Variants in NAALADL2 observed in about 807,000 individuals in gnomAD.
NAALADL2 encodes inactive N-acetylated-alpha-linked acidic dipeptidase-like protein 2.
A neutral mutation model predicts 87.2 loss-of-function variants in NAALADL2; 76 were observed. The ratio of observed to expected loss-of-function variants is 0.87; its 90% CI spans 0.72 to 1.05. The LOEUF is 1.05. NAALADL2 is among the 50% of genes least tolerant of loss of function. The probability of loss-of-function intolerance (pLI) is 0.00; values close to 1 mark genes in which losing one functional copy is unlikely to be tolerated. For missense variants in NAALADL2, 1,089 were observed against 945.8 expected, an observed-to-expected ratio of 1.15 and a Z score of -1.99; for synonymous variants, 354 against 331.0, an observed-to-expected ratio of 1.07 and a Z score of -0.75.
intron 13 of NAALADL2, among the ~76,000 whole-genome samples, chr3:175,782,856 T>G (rs1751346321): frequency 6.7e-6 from 1 of 148,328 alleles, no homozygotes; most frequent in South Asian, 2.1e-4. Flanking sequence ...GTTTAAGTCT[T>G]TAATCCATCT....
chr3:174,779,465 G>A (rs1017529782), intron 3 of NAALADL2, among the ~76,000 whole-genome samples: 1 of 152,132 alleles, frequency 6.6e-6, no homozygotes, highest in Admixed American at 6.5e-5. Flanking sequence ...CTGTGCAGAA[G>A]CTCTTCAGTT....
intron 3 of NAALADL2, among the ~76,000 whole-genome samples, chr3:174,762,706 A>G (rs1380688126): frequency 6.6e-6 from 1 of 152,070 alleles, no homozygotes; most frequent in East Asian, 1.9e-4. Context: ...TCCTGAGGCA[A>G]TTCTGCAGCA....
chr3:174,705,890 G>A (rs1329849676), intron 2 of NAALADL2, among the ~76,000 whole-genome samples: 2 of 151,984 alleles, frequency 1.3e-5, no homozygotes, highest in South Asian at 2.1e-4. Flanking sequence ...CCAGGGTGAT[G>A]CATATAGGTA....
chr3:174,955,178 C>T (rs2108527930), intron 1 of NAALADL2, among the ~76,000 whole-genome samples: 1 of 152,168 alleles, frequency 6.6e-6, no homozygotes, highest in South Asian at 2.1e-4. Context: ...TCGTCTTCTA[C>T]TTATACATAA....
At chr3:175,208,532 T>C (rs760643597) in intron 2 of NAALADL2, among the ~76,000 whole-genome samples, 5 of 152,128 alleles carry the variant, frequency 3.3e-5, no homozygotes, top group Non-Finnish European at 7.3e-5. Context: ...AGCTGGTCAG[T>C]CAGCATGTGC....
At chr3:175,653,271 C>G (rs914018424) in intron 11 of NAALADL2, among the ~76,000 whole-genome samples, 4 of 152,030 alleles carry the variant, frequency 2.6e-5, no homozygotes, top group African/African-American at 7.2e-5. Flanking sequence ...ACAGTAATTT[C>G]TGACTTTTTT....
intron 9 of NAALADL2, among the ~76,000 whole-genome samples, chr3:175,477,935 A>T (rs1725936070): frequency 6.6e-6 from 1 of 151,990 alleles, no homozygotes; most frequent in African/African-American, 2.4e-5. Flanking sequence ...GTAGCAGATC[A>T]CAGAAGGTAC....
At chr3:175,587,038 A>T (rs891815635) in intron 10 of NAALADL2, among the ~76,000 whole-genome samples, 1 of 152,172 alleles carries the variant, frequency 6.6e-6, no homozygotes, top group Non-Finnish European at 1.5e-5. Flanking sequence ...ATCTTTGGTG[A>T]AAGGATGGTC....
At chr3:174,864,682 T>A (rs1202637445) in intron 1 of NAALADL2, among the ~76,000 whole-genome samples, 2 of 152,118 alleles carry the variant, frequency 1.3e-5, no homozygotes, top group Non-Finnish European at 2.9e-5. Flanking sequence ...AAAGATGCAG[T>A]AATAATCTTA....
intron 12 of NAALADL2, among the ~76,000 whole-genome samples, chr3:175,750,664 A>T (rs1276325009): frequency 6.6e-6 from 1 of 152,162 alleles, no homozygotes; most frequent in Admixed American, 6.6e-5. Context: ...CTCATTTAAG[A>T]TGTCCTGGAT....
chr3:174,578,035 A>C (rs1715734310), intron 2 of NAALADL2, among the ~76,000 whole-genome samples: 1 of 152,048 alleles, frequency 6.6e-6, no homozygotes, highest in Non-Finnish European at 1.5e-5. Context: ...TGACAGAAGA[A>C]ATGTTTAATG....
At chr3:174,611,246 T>C (rs1002690411) in intron 2 of NAALADL2, among the ~76,000 whole-genome samples, 21 of 151,986 alleles carry the variant, frequency 1.4e-4, no homozygotes, top group East Asian at 1.9e-4. Context: ...AGCACACCAG[T>C]ATGGCACATG....
chr3:174,615,579 G>T (rs1445953497), intron 2 of NAALADL2, among the ~76,000 whole-genome samples: 1 of 152,060 alleles, frequency 6.6e-6, no homozygotes, highest in African/African-American at 2.4e-5. Flanking sequence ...AAAGTTGCAG[G>T]AGAATCTGGT....
At chr3:174,921,553 G>C (rs927558747) in intron 1 of NAALADL2, among the ~76,000 whole-genome samples, 2 of 152,004 alleles carry the variant, frequency 1.3e-5, no homozygotes, top group Non-Finnish European at 2.9e-5. Context: ...TGTAATCCCA[G>C]CACTTTGGCA....
At chr3:175,034,895 T>A (rs568781356) in intron 1 of NAALADL2, among the ~76,000 whole-genome samples, 1 of 152,326 alleles carries the variant, frequency 6.6e-6, no homozygotes, top group Admixed American at 6.5e-5. Flanking sequence ...TATTACTATC[T>A]TTTATATATT....
At chr3:175,692,221 T>C (rs1236638944) in intron 11 of NAALADL2, among the ~76,000 whole-genome samples, 1 of 152,128 alleles carries the variant, frequency 6.6e-6, no homozygotes, top group Non-Finnish European at 1.5e-5. Context: ...TTTTTGCCAA[T>C]TTTCTTAAAA....
At chr3:175,087,200 A>C (rs889872945) in intron 1 of NAALADL2, among the ~76,000 whole-genome samples, 3 of 152,234 alleles carry the variant, frequency 2.0e-5, no homozygotes, top group Non-Finnish European at 4.4e-5. Context: ...AATTATTGAA[A>C]AGTTGAAAAG....
At chr3:174,709,180 A>G (rs1730388838) in intron 2 of NAALADL2, among the ~76,000 whole-genome samples, 1 of 152,124 alleles carries the variant, frequency 6.6e-6, no homozygotes, top group South Asian at 2.1e-4. Context: ...ATATTAGTAG[A>G]ATAGAAATAC....
chr3:175,733,305 C>T (rs1255712071), intron 11 of NAALADL2, among the ~76,000 whole-genome samples: 3 of 152,088 alleles, frequency 2.0e-5, no homozygotes, highest in Non-Finnish European at 4.4e-5. Context: ...GCTGGGGAAG[C>T]CTCATAATCA....
Sources: gnomAD v4.1 joint callset for allele counts (sites outside exome capture counted in the v4.1 genomes callset) on GRCh38, gnomAD v4.1.1 for gene constraint, MANE v1.5 for transcripts, NCBI Gene and HGNC (gene_info 2026-07-23, HGNC 2026-07-21) for gene names.